STK39: variants seen among roughly 807,000 people sequenced by gnomAD.
STK39 encodes the protein STE20/SPS1-related proline-alanine-rich protein kinase.
STK39 carries 20 observed loss-of-function variants against 77.8 expected under a neutral mutation model. The ratio of observed to expected loss-of-function variants is 0.26; its 90% CI spans 0.18 to 0.37. The LOEUF (loss-of-function observed/expected upper bound fraction) is 0.37, where lower values mean the gene tolerates loss of function less well. Ranked by LOEUF, STK39 falls within the 10% of genes least tolerant of loss-of-function variation. The probability of loss-of-function intolerance (pLI) is 1.00; values close to 1 mark genes in which losing one functional copy is unlikely to be tolerated. For missense variants in STK39, 479 were observed against 656.5 expected, an observed-to-expected ratio of 0.73 and a Z score of 2.95; for synonymous variants, 246 against 234.1, an observed-to-expected ratio of 1.05 and a Z score of -0.47.
rs970703042 is a variant in STK39, at chr2:168,140,490, C to G, written c.739-100G>C. 2.4e-6 allele frequency: 3 copies of G among 1,234,816 alleles called. No individual in the cohort carries two copies. In the South Asian group the frequency reaches 3.7e-5, roughly 15 times the overall value. The allele number at this position is 1,234,816 out of a possible 1,614,324, so 76.5% of individuals were successfully genotyped here. A position where few individuals can be genotyped will look rare whatever the true frequency, so the allele number is the denominator to read the frequency against. On this transcript the variant is annotated intron_variant, in intron 6 of 17. Coordinates refer to ENST00000355999, the MANE Select transcript of STK39 (RefSeq NM_013233.3). ...GAAATCCACAGCTGTTGATGTATAA[C>G]TTTCACGTTAGTTTGCTAATTAGCT...
chr2:168,044,184 T>C (rs1345296737), intron 14 of STK39, among the ~76,000 whole-genome samples: 2 of 152,208 alleles, frequency 1.3e-5, no homozygotes, highest in African/African-American at 2.4e-5. Context: ...GGGAAGATCC[T>C]TGCAATACTG....
In STK39 at chr2:168,247,061, T is replaced by TTAAAAA. The variant is rs1213358903; in HGVS notation, c.208+166_208+167insTTTTTA. ...TAGAACGAACAAATACATTAAAAAT[T>TTAAAAA]AAAAAAAAAAAAAAAAAAAAAAAAA... On this transcript the variant is annotated intron_variant, in intron 1 of 17. Transcript: ENST00000355999. Among the ~76,000 whole-genome samples, 64 of 89,288 alleles carry TTAAAAA rather than the reference T, an allele frequency of 7.2e-4. 5 individuals are homozygous for TTAAAAA. The highest frequency in any genetic ancestry group is 9.6e-4 in the Non-Finnish European group (44 of 45,794). The allele number at this position is 89,288 out of a possible 152,430, so 58.6% of individuals were successfully genotyped here. A position where few individuals can be genotyped will look rare whatever the true frequency, so the allele number is the denominator to read the frequency against.
intron 1 of STK39, among the ~76,000 whole-genome samples, chr2:168,190,306 T>C (rs966814525): frequency 6.6e-6 from 1 of 152,222 alleles, no homozygotes; most frequent in African/African-American, 2.4e-5. Flanking sequence ...TGGTGGGCTA[T>C]ATAACCTAAA....
At chr2:168,199,328 A>C (rs991991159) in intron 1 of STK39, among the ~76,000 whole-genome samples, 1 of 152,194 alleles carries the variant, frequency 6.6e-6, no homozygotes. Context: ...CTTTTAGGAG[A>C]ACATCTGAAG....
intron 1 of STK39, among the ~76,000 whole-genome samples, chr2:168,245,199 A>C (rs942437517): frequency 6.6e-6 from 1 of 152,192 alleles, no homozygotes; most frequent in African/African-American, 2.4e-5. Flanking sequence ...TAAGCACCTT[A>C]CAAACTCAGA....
intron 16 of STK39, among the ~76,000 whole-genome samples, chr2:168,010,714 T>A (rs888244834): frequency 3.9e-5 from 6 of 152,218 alleles, no homozygotes; most frequent in Admixed American, 6.5e-5. Flanking sequence ...AAAATCTGTT[T>A]TTTTCTAATT....
At chr2:168,119,274 G>A (rs1206129024) in intron 10 of STK39, among the ~76,000 whole-genome samples, 1 of 152,010 alleles carries the variant, frequency 6.6e-6, no homozygotes, top group Non-Finnish European at 1.5e-5. Flanking sequence ...CTCCTTCACT[G>A]TTATTATTGT....
chr2:168,087,905 A>G (rs957295972), intron 10 of STK39, among the ~76,000 whole-genome samples: 1 of 152,232 alleles, frequency 6.6e-6, no homozygotes, highest in African/African-American at 2.4e-5. Flanking sequence ...AACTTAAGAG[A>G]GACTAAATTC....
intron 16 of STK39, among the ~76,000 whole-genome samples, chr2:167,975,598 G>A (rs1683252405): frequency 1.3e-5 from 2 of 152,140 alleles, no homozygotes; most frequent in East Asian, 1.9e-4. Context: ...GGCGGATCAT[G>A]AGGTCAGGAG....
At chr2:168,068,000 A>G (rs935412986) in intron 12 of STK39, among the ~76,000 whole-genome samples, 1 of 152,182 alleles carries the variant, frequency 6.6e-6, no homozygotes, top group East Asian at 1.9e-4. Context: ...CACAGCTTAC[A>G]CGGTAGCAGG....
At chr2:168,224,290 C>T (rs1273418541) in intron 1 of STK39, among the ~76,000 whole-genome samples, 7 of 151,970 alleles carry the variant, frequency 4.6e-5, no homozygotes, top group Non-Finnish European at 1.0e-4. Context: ...TACATATGTA[C>T]TGATAATAAT....
intron 17 of STK39, among the ~76,000 whole-genome samples, chr2:167,956,710 T>A (rs1428666006): frequency 0.051 from 1,530 of 30,210 alleles, 129 homozygotes; most frequent in African/African-American, 0.1. Flanking sequence ...TCTCTCTCTC[T>A]CTCTCTCTCT....
chr2:168,015,695 GA>G (rs1684386423), intron 15 of STK39, among the ~76,000 whole-genome samples: 1 of 152,036 alleles, frequency 6.6e-6, no homozygotes, highest in East Asian at 1.9e-4. Context: ...CAGATGAAAA[GA>G]AACAATCTTA....
At chr2:168,074,690 G>C (rs773965507) in intron 12 of STK39, among the ~76,000 whole-genome samples, 1 of 152,212 alleles carries the variant, frequency 6.6e-6, no homozygotes, top group East Asian at 1.9e-4. Context: ...CAAGGATTCC[G>C]TGGAGGGTTT....
chr2:168,191,392 TA>T lies in STK39; in HGVS notation c.209-9303del, dbSNP rs547654272. Among the ~76,000 whole-genome samples, 251 of 149,998 alleles carry T rather than the reference TA, an allele frequency of 1.7e-3. 1 individual carries two copies. The highest frequency in any genetic ancestry group is 5.3e-3 in the African/African-American group (217 of 40,902). On this transcript the variant is annotated intron_variant, in intron 1 of 17. Transcript: ENST00000355999. The stretch of plus-strand genomic sequence containing the variant: ...AGCATATCCACAGCCCACGCCCTAT[TA>T]AAAAAAAAATTAAAATTGGTGTCTA...
intron 14 of STK39, among the ~76,000 whole-genome samples, chr2:168,044,729 T>A (rs1280343045): frequency 6.6e-6 from 1 of 152,144 alleles, no homozygotes; most frequent in African/African-American, 2.4e-5. Flanking sequence ...TTTGGGAAGG[T>A]GAGCGAAGAC....
At chr2:168,165,231 C>T (rs1688668100) in intron 3 of STK39, among the ~76,000 whole-genome samples, 1 of 152,174 alleles carries the variant, frequency 6.6e-6, no homozygotes, top group African/African-American at 2.4e-5. Flanking sequence ...CGTCTGCCCA[C>T]GTCCTTACCT....
At chr2:167,969,474 C>T (rs1692262870) in intron 16 of STK39, among the ~76,000 whole-genome samples, 2 of 152,158 alleles carry the variant, frequency 1.3e-5, no homozygotes, top group South Asian at 4.1e-4. Context: ...TACCCTGAAT[C>T]CTCCCAGGAA....
At chr2:168,075,313 A>G (rs1244870690) in intron 10 of STK39, 82 bp from the exon 11 acceptor site, 3 of 1,570,524 alleles carry the variant, frequency 1.9e-6, no homozygotes, top group Non-Finnish European at 2.6e-6. Flanking sequence ...GTTATACGGC[A>G]TACACACCAA....
Sources: allele counts gnomAD v4.1 joint callset (sites outside exome capture counted in the v4.1 genomes callset), GRCh38; gene constraint gnomAD v4.1.1; transcripts MANE v1.5; gene names NCBI Gene and HGNC (gene_info 2026-07-23, HGNC 2026-07-21).